Variants in OR8H1 observed in about 807,000 individuals in gnomAD.
OR8H1 encodes olfactory receptor family 8 subfamily H member 1.
For missense variants in OR8H1, 388 were observed against 374.1 expected, an observed-to-expected ratio of 1.04 and a Z score of -0.31; for synonymous variants, 135 against 134.5, an observed-to-expected ratio of 1.00 and a Z score of -0.03.
rs543405983 is a variant in OR8H1 at position 56,290,348 on chromosome 11, T to G, written c.715A>C (p.Thr239Pro). ...ACTCCCAAGAGATGAGAGGCACAAG[T>G]AGACAAAGCTTTCTGCTTTCCTGAA... ...STSGKQKALS[T>P]CASHLLGVTI... The change falls in exon 2 of 2, where the codon ACT becomes CCT. Residue 239 changes from threonine to proline, a missense_variant. Coordinates refer to ENST00000641600, the MANE Select transcript of OR8H1 (RefSeq NM_001005199.2). 1 of 1,614,186 alleles carries G rather than the reference T, an allele frequency of 6.2e-7. No individual in the cohort carries two copies. The highest frequency in any genetic ancestry group is 1.7e-5 in the Admixed American group (1 of 60,028).
intron 1 of OR8H1, 85 bp from the exon 2 acceptor site, chr11:56,291,169 G>T (rs1590825334): frequency 2.5e-6 from 2 of 804,856 alleles, no homozygotes; most frequent in African/African-American, 1.7e-5. Flanking sequence ...TTCATTTAGT[G>T]TTTCTATAAA....
Position 56,290,184 on chromosome 11 carries a change from G to A in OR8H1, c.879C>T (p.Asn293=), listed in dbSNP as rs760589449. The part of the protein sequence containing the change: ...MLNPLIYSLR[N]KEVKNALIRV... ...TAATGAGAGCATTTTTAACTTCTTT[G>A]TTTCTAAGACTATAAATGAGTGGAT... Residue 293 remains asparagine (N), a synonymous_variant, in exon 2 of 2, where the codon AAC becomes AAT. Coordinates refer to ENST00000641600, the MANE Select transcript of OR8H1 (RefSeq NM_001005199.2). The A allele has an allele frequency of 1.2e-6, 2 of 1,609,250 alleles. No individual in the cohort carries two copies. Among genetic ancestry groups the A allele is most frequent in the Non-Finnish European group, 1.7e-6 (2 of 1,178,558 alleles).
At position 56,290,015 on chromosome 11, in the gene OR8H1, A is replaced by T. The variant is rs1854118466; in HGVS notation, c.*112T>A. The T allele has an allele frequency of 2.2e-6, 2 of 914,142 alleles. No individual in the cohort carries two copies. The highest frequency in any genetic ancestry group is 3.7e-6 in the Non-Finnish European group (2 of 546,684). The allele number at this position is 914,142 out of a possible 1,614,324, so 56.6% of individuals were successfully genotyped here. A position where few individuals can be genotyped will look rare whatever the true frequency, so the allele number is the denominator to read the frequency against. On this transcript the variant is annotated 3_prime_UTR_variant, in exon 2 of 2. Coordinates refer to ENST00000641600, the MANE Select transcript of OR8H1 (RefSeq NM_001005199.2). ...GTTTAGTCAAGCAAAGGTTAGCACA[A>T]CAGAAATGCAAACATGAAGGATTCA...
At position 56,289,822 on chromosome 11, in the gene OR8H1, C is replaced by A; in HGVS notation, c.*305G>T. 1 of 351,902 alleles carries A rather than the reference C, an allele frequency of 2.8e-6. No homozygotes were observed. Among genetic ancestry groups the A allele is most frequent in the South Asian group, 3.0e-5 (1 of 33,580 alleles). 21.8% of individuals were successfully genotyped at this position (351,902 alleles called of 1,614,324 possible). On this transcript the variant is annotated 3_prime_UTR_variant, in exon 2 of 2. Transcript: ENST00000641600. ...ATTTTTACTACAGACCACATTTCAT[C>A]ATGGCTAGGCTGGTCTTGAACTTCT...
Position 56,289,904 on chromosome 11 carries a change from G to T in OR8H1, c.*223C>A. ...CAGAGTGCTGGGATTATAGGCATGA[G>T]CCACCGTGCCCGGCCAACACATATT... On this transcript the variant is annotated 3_prime_UTR_variant, in exon 2 of 2. Transcript: ENST00000641600. The T allele has an allele frequency of 1.8e-6, 1 of 564,512 alleles. No homozygotes were observed. The highest frequency in any genetic ancestry group is 3.2e-6 in the Non-Finnish European group (1 of 316,356). The allele number at this position is 564,512 out of a possible 1,614,324, so 35.0% of individuals were successfully genotyped here. A position where few individuals can be genotyped will look rare whatever the true frequency, so the allele number is the denominator to read the frequency against.
At position 56,290,607 on chromosome 11, in the gene OR8H1, A is replaced by G; in HGVS notation, c.456T>C (p.Phe152=). 1 of 1,614,186 alleles carries G rather than the reference A, an allele frequency of 6.2e-7. No homozygotes were observed. Among genetic ancestry groups the G allele is most frequent in the South Asian group, 1.1e-5 (1 of 91,076 alleles). Residue 152 remains phenylalanine, a synonymous_variant, in exon 2 of 2, where the codon TTT becomes TTC. Coordinates refer to ENST00000641600, the MANE Select transcript of OR8H1 (RefSeq NM_001005199.2). ...ALVTGPYVIS[F]INSFVNVVWM... ...AAACCACATTGACAAAGGAGTTGAT[A>G]AAGCTAATCACATAGGGCCCAGTGA...
At position 56,290,700 on chromosome 11, in the gene OR8H1, G is replaced by A; in HGVS notation, c.363C>T (p.Arg121=). 6.2e-7 allele frequency: 1 copy of A among 1,614,068 alleles called. No homozygotes were observed. The highest frequency in any genetic ancestry group is 1.3e-5 in the African/African-American group (1 of 75,038). ...GTAGAGGACTGCAGATAGCTACGTA[G>A]CGATCATAGGCCATTGATGAGAGAA... ...CFLLSSMAYD[R]YVAICSPLRY... The change falls in exon 2 of 2, where the codon CGC becomes CGT. Residue 121 remains arginine, a synonymous_variant. Transcript: ENST00000641600.
In OR8H1 at chr11:56,291,009, T is replaced by C; in HGVS notation, c.54A>G (p.Ser18=). 1 of 1,613,426 alleles carries C rather than the reference T, an allele frequency of 6.2e-7. No homozygotes were observed. Among genetic ancestry groups the C allele is most frequent in the East Asian group, 2.2e-5 (1 of 44,878 alleles). The change falls in exon 2 of 2, where the codon TCA becomes TCG. Residue 18 remains serine (S), a synonymous_variant. Transcript: ENST00000641600. Reference sequence around the variant, plus strand: ...GGGCCATCTGGACCTCTTCAGAATCTGACAGTCCCGTAAGGATGAAGTCAG... The same window carrying C: ...GGGCCATCTGGACCTCTTCAGAATCCGACAGTCCCGTAAGGATGAAGTCAG... ...NVPDFILTGL[S]DSEEVQMALF...
In OR8H1 at chr11:56,291,013, A is replaced by C; in HGVS notation, c.50T>G (p.Leu17Arg). 6.2e-7 allele frequency: 1 copy of C among 1,612,114 alleles called. No homozygotes were observed. Among genetic ancestry groups the C allele is most frequent in the Non-Finnish European group, 8.5e-7 (1 of 1,179,172 alleles). Residue 17 changes from leucine to arginine, a missense_variant, in exon 2 of 2, where the codon CTG (leucine) becomes CGG (arginine). Transcript: ENST00000641600. The stretch of plus-strand genomic sequence containing the variant: ...CATCTGGACCTCTTCAGAATCTGAC[A>C]GTCCCGTAAGGATGAAGTCAGGCAC... Reference protein sequence around the residue: ...TNVPDFILTGLSDSEEVQMAL... With the variant: ...TNVPDFILTGRSDSEEVQMAL...
chr11:56,290,680 G>C lies in OR8H1; in HGVS notation c.383C>G (p.Pro128Arg), dbSNP rs1431811170. Residue 128 changes from proline to arginine, a missense_variant, in exon 2 of 2, where the codon CCT becomes CGT. By Grantham distance (103) the Pro-to-Arg change is moderately radical. Transcript: ENST00000641600. ...AYDRYVAICSPLRYPVIMSKR... is the reference protein window; with the variant it reads ...AYDRYVAICSRLRYPVIMSKR... ...GGACATAATAACTGGGTAACGTAGA[G>C]GACTGCAGATAGCTACGTAGCGATC... The C allele has an allele frequency of 6.2e-7, 1 of 1,614,000 alleles. No homozygotes were observed. The highest frequency in any genetic ancestry group is 8.5e-7 in the Non-Finnish European group (1 of 1,179,988).
chr11:56,291,152 C>A (rs1013062745), intron 1 of OR8H1, 68 bp from the exon 2 acceptor site: 8 of 864,488 alleles, frequency 9.3e-6, no homozygotes, highest in Non-Finnish European at 1.4e-5. Context: ...AATAACCTAG[C>A]ATTTAATTCA....
In OR8H1 at chr11:56,290,503, G is replaced by C. The variant is rs2134835962; in HGVS notation, c.560C>G (p.Ser187Cys). Residue 187 changes from serine (S) to cysteine (C), a missense_variant, in exon 2 of 2, where the codon TCC (serine) becomes TGC (cysteine). Ser to Cys is a moderately radical substitution (Grantham distance 112). Transcript: ENST00000641600. The stretch of plus-strand genomic sequence containing the variant: ...TTCAATGTCGTATGTGTCCATGCAG[G>C]ACAGAGCTAAAATTGGAGACGTGTC... Reference protein sequence around the residue: ...FCDTSPILALSCMDTYDIEIM... With the variant: ...FCDTSPILALCCMDTYDIEIM... The C allele has an allele frequency of 1.2e-6, 2 of 1,614,152 alleles. No homozygotes were observed. The highest frequency in any genetic ancestry group is 4.5e-5 in the East Asian group (2 of 44,866).
Position 56,288,793 on chromosome 11 carries a change from A to G in OR8H1, c.*1334T>C, listed in dbSNP as rs1039244568. ...TGTTATACACATGCACATATTCAAAACTATTGATCTCGAAGAACATGCACA... is the reference window on the plus strand; with the variant it reads ...TGTTATACACATGCACATATTCAAAGCTATTGATCTCGAAGAACATGCACA... On this transcript the variant is annotated 3_prime_UTR_variant, in exon 2 of 2. Coordinates refer to ENST00000641600, the MANE Select transcript of OR8H1 (RefSeq NM_001005199.2). 2 of 152,140 alleles carry G rather than the reference A, an allele frequency of 1.3e-5. No homozygotes were observed. The highest frequency in any genetic ancestry group is 2.4e-5 in the African/African-American group (1 of 41,470). The allele number at this position is 152,140 out of a possible 1,614,324, so 9.4% of individuals were successfully genotyped here.
chr11:56,290,123 T>C lies in OR8H1; in HGVS notation c.*4A>G. ...TTAAATGTTCAGCATTCCTGCTATT[T>C]TAATTACCTGGAGTCCTGTCTTCTC... On this transcript the variant is annotated 3_prime_UTR_variant, in exon 2 of 2. Coordinates refer to ENST00000641600, the MANE Select transcript of OR8H1 (RefSeq NM_001005199.2). The C allele has an allele frequency of 6.3e-7, 1 of 1,597,018 alleles. No individual in the cohort carries two copies. The highest frequency in any genetic ancestry group is 1.3e-5 in the African/African-American group (1 of 74,660).
rs1208879703 is a variant in OR8H1, at chr11:56,290,325, T to A, written c.738A>T (p.Gly246=). 6.2e-7 allele frequency: 1 copy of A among 1,613,996 alleles called. No homozygotes were observed. The highest frequency in any genetic ancestry group is 1.7e-5 in the Admixed American group (1 of 59,982). ...TCATAGTTCCATAAAAGATGGTGAC[T>A]CCCAAGAGATGAGAGGCACAAGTAG... ...ALSTCASHLL[G]VTIFYGTMIF... The change falls in exon 2 of 2, where the codon GGA becomes GGT. Residue 246 remains glycine (G), a synonymous_variant. Transcript: ENST00000641600.
chr11:56,289,844 T>G lies in OR8H1; in HGVS notation c.*283A>C. 2.3e-6 allele frequency: 1 copy of G among 432,280 alleles called. No individual in the cohort carries two copies. 26.8% of individuals were successfully genotyped at this position (432,280 alleles called of 1,614,324 possible). On this transcript the variant is annotated 3_prime_UTR_variant, in exon 2 of 2. Coordinates refer to ENST00000641600, the MANE Select transcript of OR8H1 (RefSeq NM_001005199.2). ...CATCATGGCTAGGCTGGTCTTGAAC[T>G]TCTGACCTCATGTGATCCACCCACC...
chr11:56,290,523 C>G lies in OR8H1; in HGVS notation c.540G>C (p.Thr180=). 1 of 1,614,080 alleles carries G rather than the reference C, an allele frequency of 6.2e-7. No homozygotes were observed. Among genetic ancestry groups the G allele is most frequent in the Non-Finnish European group, 8.5e-7 (1 of 1,180,000 alleles). ...SNVVRHFFCD[T]SPILALSCMD... is the part of the protein sequence containing the mutation. ...TGCAGGACAGAGCTAAAATTGGAGACGTGTCGCAGAAAAAGTGACGAACTA... is the reference window on the plus strand; with the variant it reads ...TGCAGGACAGAGCTAAAATTGGAGAGGTGTCGCAGAAAAAGTGACGAACTA... The change falls in exon 2 of 2, where the codon ACG becomes ACC. Residue 180 remains threonine, a synonymous_variant. Transcript: ENST00000641600.
In OR8H1 at chr11:56,290,364, C is replaced by A. The variant is rs762521957; in HGVS notation, c.699G>T (p.Lys233Asn). 6.2e-7 allele frequency: 1 copy of A among 1,614,198 alleles called. No homozygotes were observed. Among genetic ancestry groups the A allele is most frequent in the South Asian group, 1.1e-5 (1 of 91,072 alleles). The change falls in exon 2 of 2, where the codon AAG becomes AAT. Residue 233 changes from lysine (K) to asparagine (N), a missense_variant. By Grantham distance (94) the Lys-to-Asn change is moderately conservative. Coordinates refer to ENST00000641600, the MANE Select transcript of OR8H1 (RefSeq NM_001005199.2). ...AGGCACAAGTAGACAAAGCTTTCTG[C>A]TTTCCTGAAGTGGAATTAATTTTCA... is the stretch of plus-strand genomic sequence containing the variant. ...TILKINSTSG[K>N]QKALSTCASH...
In OR8H1 at chr11:56,290,701, C is replaced by A. The variant is rs190046156; in HGVS notation, c.362G>T (p.Arg121Leu). 6.2e-7 allele frequency: 1 copy of A among 1,613,930 alleles called. No homozygotes were observed. The highest frequency in any genetic ancestry group is 1.7e-5 in the Admixed American group (1 of 59,986). The stretch of plus-strand genomic sequence containing the variant: ...TAGAGGACTGCAGATAGCTACGTAG[C>A]GATCATAGGCCATTGATGAGAGAAG... ...CFLLSSMAYD[R>L]YVAICSPLRY... The change falls in exon 2 of 2, where the codon CGC (arginine) becomes CTC (leucine). Residue 121 changes from arginine to leucine, a missense_variant. Physicochemically the swap from Arg to Leu is moderately radical, Grantham distance 102. Coordinates refer to ENST00000641600, the MANE Select transcript of OR8H1 (RefSeq NM_001005199.2).
Sources: gnomAD v4.1 joint callset for allele counts on GRCh38, gnomAD v4.1.1 for gene constraint, MANE v1.5 for transcripts, NCBI Gene and HGNC (gene_info 2026-07-23, HGNC 2026-07-21) for gene names.